XKR9: variants seen among roughly 807,000 people sequenced by gnomAD.
XKR9 encodes the protein XK-related protein 9.
XKR9 carries 32 observed loss-of-function variants against 32.0 expected under a neutral mutation model. That is an observed-to-expected ratio of 1.00 (90% CI 0.76 to 1.34). The LOEUF (loss-of-function observed/expected upper bound fraction) is 1.34. Among genes scored for constraint, XKR9 ranks in the 40% most tolerant of loss-of-function variants. The pLI is 0.00. For missense variants in XKR9, 546 were observed against 429.7 expected, an observed-to-expected ratio of 1.27 and a Z score of -2.39; for synonymous variants, 168 against 143.4, an observed-to-expected ratio of 1.17 and a Z score of -1.22.
the XKR9 span, among the ~76,000 whole-genome samples, chr8:70,912,141 G>A: frequency 1.3e-5 from 2 of 152,164 alleles, no homozygotes; most frequent in Non-Finnish European, 2.9e-5. Flanking sequence ...CGAGTTTGGG[G>A]TGGGGGAGAA....
At chr8:71,014,191 A>C in the XKR9 span, among the ~76,000 whole-genome samples, 3 of 152,180 alleles carry the variant, frequency 2.0e-5, no homozygotes, top group Non-Finnish European at 4.4e-5. Context: ...AAGGAAGCCT[A>C]AACCTATTCT....
intron 2 of XKR9, among the ~76,000 whole-genome samples, chr8:70,773,847 T>C (rs374980990): frequency 6.6e-6 from 1 of 152,188 alleles, no homozygotes; most frequent in Admixed American, 6.5e-5. Context: ...TTGTAATCTT[T>C]GTTAGGTTTA....
chr8:70,687,842 A>G (rs1819359482), intron 3 of XKR9, among the ~76,000 whole-genome samples: 1 of 152,166 alleles, frequency 6.6e-6, no homozygotes, highest in African/African-American at 2.4e-5. Context: ...TTTGAAATTT[A>G]TTCAGACTTG....
chr8:70,910,270 A>G, the XKR9 span, among the ~76,000 whole-genome samples: 2 of 152,104 alleles, frequency 1.3e-5, no homozygotes, highest in Non-Finnish European at 2.9e-5. Flanking sequence ...CCTCTCTAGT[A>G]TGGCTGCAAG....
the XKR9 span, among the ~76,000 whole-genome samples, chr8:70,992,934 G>A: frequency 6.0e-3 from 913 of 152,300 alleles, 13 homozygotes; most frequent in African/African-American, 0.021. Context: ...CTGACAGAGG[G>A]TTTCTCCTGC....
In XKR9 at chr8:70,773,724, A is replaced by T. The variant is rs565776541; in HGVS notation, n.353-15615A>T. On this transcript the variant is annotated intron_variant and non_coding_transcript_variant, in intron 2 of 3. Transcript: ENST00000520273. ...GATTTATTTGCTTCCTATGAAGGCA[A>T]TGAATCAACAAAATGAGTGTGTCAT... Among the ~76,000 whole-genome samples, 4 of 152,324 alleles carry T rather than the reference A, an allele frequency of 2.6e-5. No individual in the cohort carries two copies. The East Asian group carries it at 7.7e-4, about 29-fold the overall frequency.
chr8:70,951,182 G>T, the XKR9 span, among the ~76,000 whole-genome samples: 1 of 152,216 alleles, frequency 6.6e-6, no homozygotes, highest in African/African-American at 2.4e-5. Context: ...CCATAGGACA[G>T]CTTCTAGAAG....
At chr8:70,729,764 A>G (rs1356574468) in intron 4 of XKR9, among the ~76,000 whole-genome samples, 2 of 152,220 alleles carry the variant, frequency 1.3e-5, no homozygotes, top group Admixed American at 1.3e-4. Context: ...GGAGTGTCAC[A>G]TAATTTTGGA....
At chr8:70,914,241 T>C in the XKR9 span, among the ~76,000 whole-genome samples, 1 of 152,112 alleles carries the variant, frequency 6.6e-6, no homozygotes, top group Admixed American at 6.6e-5. Flanking sequence ...AACATTTTGG[T>C]TGAGTATACA....
chr8:70,969,023 A>T, the XKR9 span, among the ~76,000 whole-genome samples: 1 of 152,206 alleles, frequency 6.6e-6, no homozygotes, highest in Non-Finnish European at 1.5e-5. Flanking sequence ...CCCGGACTCT[A>T]AAGCCAGCAG....
chr8:70,914,849 T>C, the XKR9 span, among the ~76,000 whole-genome samples: 53 of 152,372 alleles, frequency 3.5e-4, no homozygotes, highest in African/African-American at 1.3e-3. Flanking sequence ...CCAAATGGAT[T>C]CTTCCTGCTT....
the XKR9 span, among the ~76,000 whole-genome samples, chr8:70,811,738 CAGG>C: frequency 5.9e-5 from 9 of 152,056 alleles, no homozygotes; most frequent in Non-Finnish European, 7.4e-5. Context: ...AAGACTAAAC[CAGG>C]AAGAAGTTGA....
the XKR9 span, among the ~76,000 whole-genome samples, chr8:71,059,958 AT>A: frequency 9.2e-5 from 14 of 151,832 alleles, no homozygotes; most frequent in Non-Finnish European, 1.8e-4. Flanking sequence ...GGCTCATCCC[AT>A]TTTTTTTGAG....
chr8:70,987,980 G>A, the XKR9 span, among the ~76,000 whole-genome samples: 7 of 152,144 alleles, frequency 4.6e-5, no homozygotes, highest in Middle Eastern at 3.4e-3. Flanking sequence ...GCCATTGCTC[G>A]AGCTCTACGT....
the XKR9 span, among the ~76,000 whole-genome samples, chr8:70,814,251 G>A: frequency 3.2e-3 from 481 of 152,014 alleles, no homozygotes; most frequent in African/African-American, 0.011. Context: ...ATGAGAACAC[G>A]TGGACACAGG....
At chr8:70,866,883 A>T in the XKR9 span, among the ~76,000 whole-genome samples, 1 of 152,196 alleles carries the variant, frequency 6.6e-6, no homozygotes, top group Non-Finnish European at 1.5e-5. Flanking sequence ...TTTTAACCTT[A>T]CAACATCTCT....
the XKR9 span, among the ~76,000 whole-genome samples, chr8:70,967,528 GTCA>G: frequency 6.6e-6 from 1 of 152,140 alleles, no homozygotes; most frequent in Non-Finnish European, 1.5e-5. Flanking sequence ...GCTTCATAGT[GTCA>G]CTGGTCTGTG....
At chr8:70,768,966 T>C (rs1286427010) in intron 2 of XKR9, among the ~76,000 whole-genome samples, 1 of 152,202 alleles carries the variant, frequency 6.6e-6, no homozygotes, top group Non-Finnish European at 1.5e-5. Context: ...TTTGATGCTG[T>C]CATCATGATG....
intron 4 of XKR9, among the ~76,000 whole-genome samples, chr8:70,726,303 T>A (rs1468737356): frequency 1.3e-5 from 2 of 152,212 alleles, no homozygotes; most frequent in South Asian, 2.1e-4. Context: ...TAGTGGCAGA[T>A]CATCCGCGTC....
Sources: gnomAD v4.1 joint callset for allele counts (sites outside exome capture counted in the v4.1 genomes callset) on GRCh38, gnomAD v4.1.1 for gene constraint, MANE v1.5 for transcripts, NCBI Gene and HGNC (gene_info 2026-07-23, HGNC 2026-07-21) for gene names.